Variants in DPP6 observed in about 807,000 individuals in gnomAD.
The protein encoded by DPP6 is dipeptidyl peptidase like 6.
DPP6 carries 69 observed loss-of-function variants against 122.6 expected under a neutral mutation model. The ratio of observed to expected loss-of-function variants is 0.56; its 90% CI spans 0.46 to 0.69. DPP6 has a LOEUF of 0.69. Among genes scored for constraint, DPP6 ranks in the 30% least tolerant of loss-of-function variants. DPP6 has a pLI of 0.00. For missense variants in DPP6, 928 were observed against 1,116.9 expected (o/e 0.83, Z 2.41); for synonymous variants, 418 against 433.1 (o/e 0.97, Z 0.43).
At chr7:153,920,286 C>T (rs1443082378) in intron 1 of DPP6, among the ~76,000 whole-genome samples, 1 of 152,208 alleles carries the variant, frequency 6.6e-6, no homozygotes, top group East Asian at 1.9e-4. Flanking sequence ...AAGTTCTTTC[C>T]TGTGTCCGGG....
chr7:154,446,926 TA>T (rs1442689218), intron 2 of DPP6, among the ~76,000 whole-genome samples: 1 of 152,190 alleles, frequency 6.6e-6, no homozygotes, highest in African/African-American at 2.4e-5. Context: ...AGGTAGTACG[TA>T]AAGTGGGCTT....
intron 1 of DPP6, among the ~76,000 whole-genome samples, chr7:153,953,986 G>T (rs1356571155): frequency 1.3e-5 from 2 of 152,102 alleles, no homozygotes; most frequent in Non-Finnish European, 2.9e-5. Context: ...CTCAGTTTTT[G>T]CTCTTAAGGC....
chr7:153,865,682 A>G, the DPP6 span, among the ~76,000 whole-genome samples: 10 of 152,346 alleles, frequency 6.6e-5, no homozygotes, highest in Non-Finnish European at 5.9e-5. Context: ...TTTAAGTTTT[A>G]GGGTACATGT....
At chr7:154,125,210 G>A (rs1287144984) in intron 1 of DPP6, among the ~76,000 whole-genome samples, 8 of 152,182 alleles carry the variant, frequency 5.3e-5, no homozygotes, top group Non-Finnish European at 4.4e-5. Flanking sequence ...ATGACACTCT[G>A]CTGTGTGGAC....
chr7:154,008,158 T>C (rs1469579833), intron 1 of DPP6, among the ~76,000 whole-genome samples: 1 of 152,206 alleles, frequency 6.6e-6, no homozygotes, highest in East Asian at 1.9e-4. Context: ...TGTAGTTATG[T>C]ATCTCCCTAT....
At chr7:154,411,864 A>G (rs1231048736) in intron 1 of DPP6, among the ~76,000 whole-genome samples, 3 of 152,132 alleles carry the variant, frequency 2.0e-5, no homozygotes, top group Admixed American at 6.5e-5. Flanking sequence ...GTCTCGGGCT[A>G]GGTAATTCAT....
intron 1 of DPP6, among the ~76,000 whole-genome samples, chr7:153,915,058 G>C (rs10260433): frequency 6.6e-6 from 1 of 152,206 alleles, no homozygotes; most frequent in East Asian, 1.9e-4. Context: ...TCTGCTGTAC[G>C]TGTGATTTCT....
intron 1 of DPP6, among the ~76,000 whole-genome samples, chr7:154,168,518 A>G (rs1797371909): frequency 6.6e-6 from 1 of 152,208 alleles, no homozygotes; most frequent in African/African-American, 2.4e-5. Context: ...TGATCTTTCA[A>G]AACATTGGCT....
chr7:154,804,001 C>T (rs764722199), intron 14 of DPP6, 46 bp downstream of exon 14: 1 of 1,593,904 alleles, frequency 6.3e-7, no homozygotes, highest in African/African-American at 1.3e-5. Flanking sequence ...GCCAATGGGG[C>T]ACATTTGTTA....
chr7:154,504,046 A>G (rs1825472604), intron 3 of DPP6, among the ~76,000 whole-genome samples: 1 of 152,236 alleles, frequency 6.6e-6, no homozygotes, highest in African/African-American at 2.4e-5. Flanking sequence ...CTGCTTGCTA[A>G]CATTGATGAA....
chr7:154,542,513 A>G (rs998139097), intron 4 of DPP6, among the ~76,000 whole-genome samples: 2 of 152,182 alleles, frequency 1.3e-5, no homozygotes, highest in Non-Finnish European at 2.9e-5. Context: ...CTCTTTCTAA[A>G]ATCAATAGCT....
chr7:153,906,185 G>A (rs553924320), intron 1 of DPP6, among the ~76,000 whole-genome samples: 1 of 152,172 alleles, frequency 6.6e-6, no homozygotes, highest in Non-Finnish European at 1.5e-5. Context: ...TAAGAGCTAA[G>A]CATTCTTTAT....
At chr7:154,574,117 G>T (rs1427231518) in intron 5 of DPP6, among the ~76,000 whole-genome samples, 2 of 152,194 alleles carry the variant, frequency 1.3e-5, no homozygotes, top group African/African-American at 4.8e-5. Context: ...CTTAGGCATA[G>T]AAAAAATGTA....
At chr7:154,805,854 G>A (rs1406605395) in intron 15 of DPP6, among the ~76,000 whole-genome samples, 1 of 152,192 alleles carries the variant, frequency 6.6e-6, no homozygotes. Flanking sequence ...CCTCTGCATG[G>A]GATGGCTGCA....
intron 1 of DPP6, among the ~76,000 whole-genome samples, chr7:154,340,038 A>G (rs1809789139): frequency 6.6e-6 from 1 of 152,026 alleles, no homozygotes; most frequent in East Asian, 1.9e-4. Context: ...GCGCCACTGC[A>G]CTCCAGCCTG....
intron 1 of DPP6, among the ~76,000 whole-genome samples, chr7:154,017,230 G>A (rs1798465362): frequency 6.6e-6 from 1 of 152,106 alleles, no homozygotes; most frequent in Non-Finnish European, 1.5e-5. Context: ...ACCAAGCCCA[G>A]CTAATTTTTT....
At chr7:154,007,017 G>A (rs1026779617) in intron 1 of DPP6, among the ~76,000 whole-genome samples, 6 of 152,346 alleles carry the variant, frequency 3.9e-5, no homozygotes, top group African/African-American at 1.2e-4. Flanking sequence ...TGTTTAGAAG[G>A]TGGCTGTGTA....
chr7:153,824,418 G>A, the DPP6 span, among the ~76,000 whole-genome samples: 1 of 148,180 alleles, frequency 6.7e-6, no homozygotes, highest in African/African-American at 2.5e-5. Flanking sequence ...CAGGCGTAGT[G>A]GCTCATGCCT....
At chr7:154,107,626 G>A (rs1806262595) in intron 1 of DPP6, among the ~76,000 whole-genome samples, 1 of 152,190 alleles carries the variant, frequency 6.6e-6, no homozygotes, top group Admixed American at 6.5e-5. Flanking sequence ...TAACTAGCTT[G>A]ATATAAGCAT....
Sources: allele counts gnomAD v4.1 joint callset (sites outside exome capture counted in the v4.1 genomes callset), GRCh38; gene constraint gnomAD v4.1.1; transcripts MANE v1.5; gene names NCBI Gene and HGNC (gene_info 2026-07-23, HGNC 2026-07-21).